Variants in BCL7B observed in about 807,000 individuals in gnomAD.
BCL7B encodes the protein B-cell CLL/lymphoma 7 protein family member B.
A neutral mutation model predicts 26.5 loss-of-function variants in BCL7B; 11 were observed. That is an observed-to-expected ratio of 0.42 (90% CI 0.26 to 0.69). The LOEUF (loss-of-function observed/expected upper bound fraction) is 0.69. Among genes scored for constraint, BCL7B ranks in the 30% least tolerant of loss-of-function variants. The pLI is 0.28. For missense variants in BCL7B, 215 were observed against 264.4 expected (o/e 0.81, Z 1.30); for synonymous variants, 111 against 107.9 (o/e 1.03, Z -0.18).
chr7:73,544,709 T>G (rs999865869), intron 2 of BCL7B, among the ~76,000 whole-genome samples: 21 of 152,004 alleles, frequency 1.4e-4, no homozygotes, highest in Non-Finnish European at 1.2e-4. Context: ...TCAAGAAAGA[T>G]GTAGGTTATA....
Position 73,542,648 on chromosome 7 carries a change from T to A in BCL7B, c.265+900A>T, listed in dbSNP as rs1791808233. Among the ~76,000 whole-genome samples the A allele has an allele frequency of 2.0e-5, 3 of 152,190 alleles. No homozygotes were observed. In the South Asian group the frequency reaches 6.2e-4, roughly 31 times the overall value. ...TAAAGTAAAAGTGCTTCGTAGACAG[T>A]ACCTAGCAGGTAGGTGTAAAAGGCA... On this transcript the variant is annotated intron_variant, in intron 3 of 5. Coordinates refer to ENST00000223368, the MANE Select transcript of BCL7B (RefSeq NM_001707.4).
At chr7:73,553,155 G>A (rs943854354) in intron 1 of BCL7B, among the ~76,000 whole-genome samples, 16 of 151,836 alleles carry the variant, frequency 1.1e-4, no homozygotes, top group South Asian at 2.1e-4. Flanking sequence ...TTTGTTGCCC[G>A]CGCTGGTCTT....
chr7:73,557,149 G>A, intron 1 of BCL7B: 2 of 1,009,244 alleles, frequency 2.0e-6, no homozygotes, highest in East Asian at 9.6e-5. Context: ...CGGGGCCACT[G>A]CCCAGGAAGA....
chr7:73,556,788 G>C (rs1270005993), intron 1 of BCL7B, among the ~76,000 whole-genome samples: 5 of 152,202 alleles, frequency 3.3e-5, no homozygotes, highest in Non-Finnish European at 7.3e-5. Context: ...CTGCTACTTG[G>C]AAGTGAGAAA....
intron 3 of BCL7B, chr7:73,542,956 T>G (rs1404009544): frequency 7.7e-6 from 3 of 388,566 alleles, no homozygotes; most frequent in African/African-American, 6.3e-5. Context: ...AAAAAAAGCT[T>G]CTGATTCGGA....
At chr7:73,556,533 T>G (rs1410081373) in intron 1 of BCL7B, among the ~76,000 whole-genome samples, 1 of 152,174 alleles carries the variant, frequency 6.6e-6, no homozygotes, top group African/African-American at 2.4e-5. Flanking sequence ...CTGACGAAGT[T>G]GGCTGTGAAA....
Position 73,552,192 on chromosome 7 carries a change from C to T in BCL7B, c.143G>A (p.Trp48Ter). 1 of 1,610,502 alleles carries T rather than the reference C, an allele frequency of 6.2e-7. No individual in the cohort carries two copies. The highest frequency in any genetic ancestry group is 8.5e-7 in the Non-Finnish European group (1 of 1,179,074). Residue 48 changes from tryptophan to a stop codon, truncating the protein, a stop_gained, in exon 2 of 6, where the codon TGG (tryptophan) becomes TAG (stop). Transcript: ENST00000223368. LOFTEE classifies it high-confidence loss of function. ...VGDTSLRIFK[W>*]VPVTDSKEKE... The stretch of plus-strand genomic sequence containing the variant: ...CTCCTTGCTGTCTGTCACAGGAACC[C>T]ACTTAAATATCCTCAGGGACGTGTC...
chr7:73,555,458 G>T (rs746698048), intron 1 of BCL7B, among the ~76,000 whole-genome samples: 1 of 151,868 alleles, frequency 6.6e-6, no homozygotes, highest in Non-Finnish European at 1.5e-5. Flanking sequence ...ATACAACTGT[G>T]GAAAGGTCTA....
intron 2 of BCL7B, among the ~76,000 whole-genome samples, chr7:73,549,154 G>A (rs1428231350): frequency 7.2e-5 from 11 of 152,142 alleles, no homozygotes; most frequent in Admixed American, 4.6e-4. Context: ...GCTCACAGGG[G>A]CATTGTTCCT....
intron 5 of BCL7B, 143 bp downstream of exon 5, chr7:73,537,791 A>C (rs1791597074): frequency 1.8e-6 from 1 of 568,658 alleles, no homozygotes; most frequent in East Asian, 3.1e-5. Flanking sequence ...AGGAGGCTGA[A>C]ACAGGAGAAT....
intron 2 of BCL7B, among the ~76,000 whole-genome samples, chr7:73,546,321 A>G (rs1791956849): frequency 6.6e-6 from 1 of 152,144 alleles, no homozygotes; most frequent in Admixed American, 6.6e-5. Flanking sequence ...AAGGAGCAGA[A>G]TAACTGAAAT....
At chr7:73,547,427 T>C (rs1001838343) in intron 2 of BCL7B, among the ~76,000 whole-genome samples, 2 of 152,136 alleles carry the variant, frequency 1.3e-5, no homozygotes, top group Non-Finnish European at 2.9e-5. Flanking sequence ...TGCACCACTG[T>C]ACTCCAGCAT....
In BCL7B at chr7:73,536,738, C is replaced by T. The variant is rs2115719028; in HGVS notation, c.*560G>A. 1 of 153,240 alleles carries T rather than the reference C, an allele frequency of 6.5e-6. No homozygotes were observed. The highest frequency in any genetic ancestry group is 2.0e-4 in the South Asian group (1 of 4,886). 9.5% of individuals were successfully genotyped at this position (153,240 alleles called of 1,614,324 possible). On this transcript the variant is annotated 3_prime_UTR_variant, in exon 6 of 6. Transcript: ENST00000223368. ...GTGCCCGTGAGAGGTAGGACCACCT[C>T]AGGCATGGGCAGAGCTGGCAGGACA... is the stretch of plus-strand genomic sequence containing the variant.
At chr7:73,557,233 G>C in intron 1 of BCL7B, 1 of 1,082,982 alleles carries the variant, frequency 9.2e-7, no homozygotes, top group Non-Finnish European at 1.1e-6. Context: ...CCGGAAGCCG[G>C]AATCCCCTCC....
At chr7:73,541,274 T>C (rs1791762601) in intron 3 of BCL7B, among the ~76,000 whole-genome samples, 1 of 152,110 alleles carries the variant, frequency 6.6e-6, no homozygotes, top group African/African-American at 2.4e-5. Flanking sequence ...TTTGTGCTCA[T>C]TCCTTCCTCT....
At position 73,536,966 on chromosome 7, in the gene BCL7B, C is replaced by T. The variant is rs782629533; in HGVS notation, c.*332G>A. On this transcript the variant is annotated 3_prime_UTR_variant, in exon 6 of 6. Coordinates refer to ENST00000223368, the MANE Select transcript of BCL7B (RefSeq NM_001707.4). ...GGTGCCTTCCACATCTCTCTCTTCTCGCAGAAGCTGCCAGCAGCTCCGTCC... is the reference window on the plus strand; with the variant it reads ...GGTGCCTTCCACATCTCTCTCTTCTTGCAGAAGCTGCCAGCAGCTCCGTCC... 3.2e-5 allele frequency: 8 copies of T among 250,968 alleles called. No individual in the cohort carries two copies. Among genetic ancestry groups the T allele is most frequent in the Admixed American group, 9.5e-5 (2 of 21,034 alleles). The allele number at this position is 250,968 out of a possible 1,614,324, so 15.5% of individuals were successfully genotyped here. A position where few individuals can be genotyped will look rare whatever the true frequency, so the allele number is the denominator to read the frequency against.
intron 2 of BCL7B, among the ~76,000 whole-genome samples, chr7:73,544,876 T>C (rs1791898086): frequency 1.3e-5 from 2 of 151,500 alleles, no homozygotes; most frequent in Non-Finnish European, 2.9e-5. Context: ...CTGGGCAACA[T>C]AGTAAGACCC....
intron 2 of BCL7B, among the ~76,000 whole-genome samples, chr7:73,549,901 G>A (rs1313439956): frequency 6.6e-6 from 1 of 152,168 alleles, no homozygotes; most frequent in Non-Finnish European, 1.5e-5. Flanking sequence ...GGTAAGAAAA[G>A]CAAAAGTAGG....
chr7:73,545,213 A>AT (rs1230430528), intron 2 of BCL7B, among the ~76,000 whole-genome samples: 1 of 151,880 alleles, frequency 6.6e-6, no homozygotes, highest in African/African-American at 2.4e-5. Flanking sequence ...TAATAACTCA[A>AT]TTTTTTGTTT....
Sources: gnomAD v4.1 joint callset for allele counts (sites outside exome capture counted in the v4.1 genomes callset) on GRCh38, gnomAD v4.1.1 for gene constraint, MANE v1.5 for transcripts, NCBI Gene and HGNC (gene_info 2026-07-23, HGNC 2026-07-21) for gene names.